Variants in CPLX1 observed in about 807,000 individuals in gnomAD.
CPLX1 encodes the protein complexin 1, also known as complexin-1.
In CPLX1, 6 loss-of-function variants were observed where a neutral mutation model predicts 15.6. The observed-to-expected ratio is 0.39, with a 90% CI of 0.21 to 0.76. The LOEUF is 0.76. Among genes scored for constraint, CPLX1 ranks in the 30% least tolerant of loss-of-function variants. The pLI is 0.43. For synonymous variants in CPLX1, 91 were observed against 75.2 expected (o/e 1.21, Z -1.08); for missense variants, 242 against 188.6 (o/e 1.28, Z -1.66).
At chr4:804,762 G>T in intron 2 of CPLX1, 1 of 985,404 alleles carries the variant, frequency 1.0e-6, no homozygotes, top group Non-Finnish European at 1.2e-6. Context: ...GCACCTTGCG[G>T]GGGCTCGGGA....
rs1378129819 is a variant in CPLX1, at chr4:789,656, G to A, written c.207+2777C>T. ...TCAGTGCGCGGAGCACAGCGGGGCA[G>A]TCTCCCTCCTGCTCCCTGGGCCCGG... On this transcript the variant is annotated intron_variant, in intron 3 of 3. Transcript: ENST00000304062. Among the ~76,000 whole-genome samples the A allele has an allele frequency of 2.0e-5, 3 of 152,194 alleles. No homozygotes were observed. The South Asian group carries it at 6.2e-4, about 31-fold the overall frequency.
Position 786,603 on chromosome 4 carries a change from G to A in CPLX1, c.303C>T (p.Ile101=), listed in dbSNP as rs779801055. 2 of 1,612,500 alleles carry A rather than the reference G, an allele frequency of 1.2e-6. No individual in the cohort carries two copies. Among genetic ancestry groups the A allele is most frequent in the African/African-American group, 1.3e-5 (1 of 74,958 alleles). The change falls in exon 4 of 4, where the codon ATC becomes ATT. Residue 101 remains isoleucine, a synonymous_variant. Transcript: ENST00000304062. ...CCACCTCGTCCCCGCAGCCCGGCGG[G>A]ATGGCCTTCTTGGGCCGCGTCAAGC... ...EGSLTRPKKA[I]PPGCGDEVEE...
intron 1 of CPLX1, 155 bp from the exon 2 acceptor site, chr4:824,756 C>T: frequency 1.4e-6 from 1 of 691,640 alleles, no homozygotes. Context: ...GGCTTCTGTC[C>T]CCACACCCAA....
chr4:824,295 G>A (rs891793935), intron 2 of CPLX1, among the ~76,000 whole-genome samples, 197 bp downstream of exon 2: 3 of 152,214 alleles, frequency 2.0e-5, no homozygotes, highest in African/African-American at 7.2e-5. Flanking sequence ...GTTCTGGCTC[G>A]GGGCCTCGAA....
At chr4:819,834 G>A (rs1345159076) in intron 2 of CPLX1, among the ~76,000 whole-genome samples, 1 of 152,192 alleles carries the variant, frequency 6.6e-6, no homozygotes. Context: ...GACTATGGAT[G>A]CAATGCTGGA....
At chr4:790,445 C>T (rs1560236560) in intron 3 of CPLX1, among the ~76,000 whole-genome samples, 1 of 152,190 alleles carries the variant, frequency 6.6e-6, no homozygotes, top group Non-Finnish European at 1.5e-5. Context: ...GCTTACGCTT[C>T]CCCCTCTCCT....
At chr4:813,831 C>T (rs1431959056) in intron 2 of CPLX1, among the ~76,000 whole-genome samples, 1 of 152,172 alleles carries the variant, frequency 6.6e-6, no homozygotes, top group African/African-American at 2.4e-5. Context: ...GCCAGCTCGC[C>T]ACGTTTGCCC....
chr4:798,259 T>C (rs1370079959), intron 2 of CPLX1, among the ~76,000 whole-genome samples: 21 of 120,914 alleles, frequency 1.7e-4, no homozygotes, highest in African/African-American at 6.5e-4. Flanking sequence ...TGGGTGACAG[T>C]GAGACTCCGT....
intron 3 of CPLX1, chr4:787,109 C>T: frequency 2.0e-6 from 2 of 985,410 alleles, no homozygotes; most frequent in Non-Finnish European, 2.4e-6. Context: ...GCAGCTGACC[C>T]TCCTGCCCAG....
chr4:791,703 G>A (rs1746180307), intron 3 of CPLX1, among the ~76,000 whole-genome samples: 1 of 152,200 alleles, frequency 6.6e-6, no homozygotes, highest in South Asian at 2.1e-4. Context: ...CTTCCGGCCT[G>A]CTGGGCCTGC....
At chr4:792,299 G>T (rs930007314) in intron 3 of CPLX1, 134 bp downstream of exon 3, 104 of 726,806 alleles carry the variant, frequency 1.4e-4, no homozygotes, top group Non-Finnish European at 2.0e-4. Flanking sequence ...CCGCCACTCT[G>T]AAGCCCCCAA....
chr4:810,790 G>A (rs1216659262), intron 2 of CPLX1, among the ~76,000 whole-genome samples: 2 of 151,328 alleles, frequency 1.3e-5, no homozygotes, highest in African/African-American at 2.4e-5. Flanking sequence ...TCCACCTCCT[G>A]GGTTCAAGTG....
At chr4:807,049 C>A (rs984922965) in intron 2 of CPLX1, among the ~76,000 whole-genome samples, 2 of 152,224 alleles carry the variant, frequency 1.3e-5, no homozygotes, top group East Asian at 1.9e-4. Context: ...GCATTATTCA[C>A]AATAGCAAAG....
chr4:810,712 T>A (rs541408113), intron 2 of CPLX1, among the ~76,000 whole-genome samples: 1 of 152,032 alleles, frequency 6.6e-6, no homozygotes, highest in East Asian at 1.9e-4. Context: ...TTTTTTTTTT[T>A]CGAGATGGAA....
chr4:798,360 C>T (rs1186827869), intron 2 of CPLX1, among the ~76,000 whole-genome samples: 1 of 151,396 alleles, frequency 6.6e-6, no homozygotes. Flanking sequence ...TATTGTCAAT[C>T]GATTTTTGAC....
Position 807,904 on chromosome 4 carries a change from T to C in CPLX1, c.32-15296A>G, listed in dbSNP as rs76842069. ...TTCTTGATATATTAATCTCAATATG[T>C]TTTCCAGAGCAGAAATAAGGCTGCA... On this transcript the variant is annotated intron_variant, in intron 2 of 3. Transcript: ENST00000304062. Among the ~76,000 whole-genome samples, 88 of 152,306 alleles carry C rather than the reference T, an allele frequency of 5.8e-4. 2 individuals are homozygous for C. The East Asian group carries it at 0.015, about 26-fold the overall frequency.
chr4:793,095 C>T (rs1746234066), intron 2 of CPLX1, among the ~76,000 whole-genome samples: 1 of 152,182 alleles, frequency 6.6e-6, no homozygotes, highest in Admixed American at 6.5e-5. Context: ...TGTGGTTGCG[C>T]GTGCAGTTGT....
chr4:787,955 C>G (rs1234781340), intron 3 of CPLX1: 3 of 985,300 alleles, frequency 3.0e-6, no homozygotes, highest in African/African-American at 3.5e-5. Flanking sequence ...ACAGGACCCC[C>G]GGGCCAGGTC....
At chr4:820,846 T>C (rs1019962172) in intron 2 of CPLX1, among the ~76,000 whole-genome samples, 7 of 151,896 alleles carry the variant, frequency 4.6e-5, no homozygotes, top group Non-Finnish European at 8.8e-5. Context: ...TGGACACCGG[T>C]GGCCCCCACA....
Sources: allele counts gnomAD v4.1 joint callset (sites outside exome capture counted in the v4.1 genomes callset), GRCh38; gene constraint gnomAD v4.1.1; transcripts MANE v1.5; gene names NCBI Gene and HGNC (gene_info 2026-07-23, HGNC 2026-07-21).